The following SYN2 variants were observed in gnomAD, a reference collection of about 807,000 sequenced individuals.
The protein encoded by SYN2 is synapsin II, also known as synapsin-2.
Under a neutral mutation model 50.9 loss-of-function variants are expected in SYN2, and 19 were observed. The observed-to-expected ratio is 0.37, with a 90% confidence interval of 0.26 to 0.55. SYN2 has a LOEUF of 0.55. Among genes scored for constraint, SYN2 ranks in the 20% least tolerant of loss-of-function variants. The probability of loss-of-function intolerance (pLI) is 0.81; values close to 1 mark genes in which losing one functional copy is unlikely to be tolerated. For synonymous variants in SYN2, 255 were observed against 224.9 expected, an observed-to-expected ratio of 1.13 and a Z score of -1.20; for missense variants, 587 against 576.4, an observed-to-expected ratio of 1.02 and a Z score of -0.19.
intron 12 of SYN2, among the ~76,000 whole-genome samples, chr3:12,189,554 A>C (rs1698408397): frequency 6.6e-6 from 1 of 152,134 alleles, no homozygotes; most frequent in African/African-American, 2.4e-5. Context: ...CACGCCTCTA[A>C]TCCCAGCACT....
In SYN2 at chr3:12,177,538, C is replaced by T. The variant is rs74849271; in HGVS notation, c.1309-5774C>T. ...CAGTTAGGGAGGGGTCTCTGATCCCCGGCATGGGACTAACAGGGCTTCACT... is the reference window on the plus strand; with the variant it reads ...CAGTTAGGGAGGGGTCTCTGATCCCTGGCATGGGACTAACAGGGCTTCACT... On this transcript the variant is annotated intron_variant, in intron 10 of 12. Coordinates refer to ENST00000621198, the MANE Select transcript of SYN2 (RefSeq NM_133625.6). Among the ~76,000 whole-genome samples the T allele has an allele frequency of 4.7e-3, 713 of 152,180 alleles. 7 individuals are homozygous for T. The highest frequency in any genetic ancestry group is 0.015 in the African/African-American group (636 of 41,502).
chr3:12,036,439 A>T (rs1320162217), intron 1 of SYN2, among the ~76,000 whole-genome samples: 2 of 152,120 alleles, frequency 1.3e-5, no homozygotes, highest in Admixed American at 1.3e-4. Context: ...ACCAAGGTTT[A>T]CCATTTATGC....
chr3:12,130,438 T>TC (rs2125208873), intron 1 of SYN2, among the ~76,000 whole-genome samples: 1 of 152,238 alleles, frequency 6.6e-6, no homozygotes, highest in Non-Finnish European at 1.5e-5. Flanking sequence ...AGAAAAGCTA[T>TC]GTCCTTGCTT....
intron 1 of SYN2, among the ~76,000 whole-genome samples, chr3:12,088,891 GAGAACTGTT>G (rs1242659206): frequency 2.0e-5 from 3 of 152,150 alleles, no homozygotes; most frequent in African/African-American, 7.2e-5. Context: ...AAGGGGAAAG[GAGAACTGTT>G]AGTTAAAGGG....
At chr3:12,070,079 C>T in intron 1 of SYN2, 1 of 263,354 alleles carries the variant, frequency 3.8e-6, no homozygotes, top group Non-Finnish European at 7.5e-6. Flanking sequence ...AGATGATAGG[C>T]ATAAGCCACT....
chr3:12,067,787 C>T (rs951959507), intron 1 of SYN2, among the ~76,000 whole-genome samples: 3 of 152,134 alleles, frequency 2.0e-5, no homozygotes, highest in East Asian at 1.9e-4. Flanking sequence ...AGGCCAGGCA[C>T]GGTGGGCCCA....
intron 1 of SYN2, among the ~76,000 whole-genome samples, chr3:12,099,826 G>C (rs563840393): frequency 2.0e-5 from 3 of 151,266 alleles, no homozygotes; most frequent in Non-Finnish European, 3.0e-5. Context: ...TTAGCCGGGC[G>C]TAGTGGCGGG....
At chr3:12,056,982 CAAGAT>C (rs2125159377) in intron 1 of SYN2, among the ~76,000 whole-genome samples, 1 of 152,232 alleles carries the variant, frequency 6.6e-6, no homozygotes, top group South Asian at 2.1e-4. Flanking sequence ...AATTCTAAGA[CAAGAT>C]ATGAAAATAT....
chr3:12,047,409 G>A (rs1694762845), intron 1 of SYN2, among the ~76,000 whole-genome samples: 1 of 152,188 alleles, frequency 6.6e-6, no homozygotes, highest in African/African-American at 2.4e-5. Context: ...AAGGATGATG[G>A]AAGGGGTACT....
intron 10 of SYN2, among the ~76,000 whole-genome samples, chr3:12,182,706 A>G (rs1698251071): frequency 6.6e-6 from 1 of 152,200 alleles, no homozygotes; most frequent in Non-Finnish European, 1.5e-5. Context: ...GAGTCCAAAG[A>G]GTGGATCTGA....
intron 1 of SYN2, among the ~76,000 whole-genome samples, chr3:12,065,105 C>T (rs928163778): frequency 3.3e-5 from 5 of 152,040 alleles, no homozygotes; most frequent in African/African-American, 4.8e-5. Context: ...AAGTGAAAGA[C>T]GCCAGTAACA....
intron 1 of SYN2, among the ~76,000 whole-genome samples, chr3:12,101,609 TA>T: frequency 6.6e-6 from 1 of 152,288 alleles, no homozygotes; most frequent in African/African-American, 2.4e-5. Context: ...TCTCACATTT[TA>T]AAAAGGTTAA....
At chr3:12,086,447 C>T (rs177825) in intron 1 of SYN2, among the ~76,000 whole-genome samples, 1 of 152,106 alleles carries the variant, frequency 6.6e-6, no homozygotes, top group East Asian at 1.9e-4. Context: ...CTTTGATGAA[C>T]ATAGACGCAA....
chr3:12,086,135 A>G (rs1695696337), intron 1 of SYN2, among the ~76,000 whole-genome samples: 1 of 152,176 alleles, frequency 6.6e-6, no homozygotes, highest in African/African-American at 2.4e-5. Flanking sequence ...AGAAGAAATA[A>G]ATTCCTAAAA....
Position 12,191,067 on chromosome 3 carries a change from T to C in SYN2, c.*442T>C. The stretch of plus-strand genomic sequence containing the variant: ...TGGGAAGTATATACTTCCCCAAAAG[T>C]ACTCTTGGCCCTAAGTTTTAGGAAC... On this transcript the variant is annotated 3_prime_UTR_variant, in exon 13 of 13. Transcript: ENST00000621198. 1 of 987,176 alleles carries C rather than the reference T, an allele frequency of 1.0e-6. No homozygotes were observed. 61.2% of individuals were successfully genotyped at this position (987,176 alleles called of 1,614,324 possible). A position where few individuals can be genotyped will look rare whatever the true frequency, so the allele number is the denominator to read the frequency against.
chr3:12,087,631 A>G (rs2125178989), intron 1 of SYN2, among the ~76,000 whole-genome samples: 1 of 152,084 alleles, frequency 6.6e-6, no homozygotes. Context: ...ACACACCTGT[A>G]GCCCCGGCTG....
At position 12,167,217 on chromosome 3, in the gene SYN2, G is replaced by C. The variant is rs1384294472; in HGVS notation, c.981-17G>C. 2.5e-6 allele frequency: 4 copies of C among 1,610,914 alleles called. No individual in the cohort carries two copies. The highest frequency in any genetic ancestry group is 3.4e-6 in the Non-Finnish European group (4 of 1,178,678). On this transcript the variant is annotated splice_polypyrimidine_tract_variant and intron_variant, in intron 7 of 12. Coordinates refer to ENST00000621198, the MANE Select transcript of SYN2 (RefSeq NM_133625.6). ...GTGGCTCACTGCCTGTCCTATCCTG[G>C]TGGGATCTTGTTGCAGGAGGACATC...
chr3:12,048,244 G>A (rs979110441), intron 1 of SYN2, among the ~76,000 whole-genome samples: 1 of 152,104 alleles, frequency 6.6e-6, no homozygotes, highest in Non-Finnish European at 1.5e-5. Context: ...GTATGATCAC[G>A]GCTCACTGCA....
chr3:12,110,049 T>G (rs1696279785), intron 1 of SYN2, among the ~76,000 whole-genome samples: 1 of 151,782 alleles, frequency 6.6e-6, no homozygotes, highest in Non-Finnish European at 1.5e-5. Context: ...ATTAGCTGGG[T>G]GTAGTGATGT....
Sources: gnomAD v4.1 joint callset for allele counts (sites outside exome capture counted in the v4.1 genomes callset) on GRCh38, gnomAD v4.1.1 for gene constraint, MANE v1.5 for transcripts, NCBI Gene and HGNC (gene_info 2026-07-23, HGNC 2026-07-21) for gene names.